FGFR2: variants seen among roughly 807,000 people sequenced by gnomAD.
FGFR2 encodes fibroblast growth factor receptor 2, also known as BEK fibroblast growth factor receptor.
FGFR2 carries 19 observed loss-of-function variants against 95.9 expected under a neutral mutation model. The ratio of observed to expected loss-of-function variants is 0.20; its 90% confidence interval spans 0.14 to 0.29. FGFR2 has a LOEUF of 0.29. Among genes scored for constraint, FGFR2 ranks in the 10% least tolerant of loss-of-function variants. The pLI is 1.00. For missense variants in FGFR2, 707 were observed against 1,056.9 expected, an observed-to-expected ratio of 0.67 and a Z score of 4.59; for synonymous variants, 392 against 393.3, an observed-to-expected ratio of 1.00 and a Z score of 0.04.
intron 4 of FGFR2, among the ~76,000 whole-genome samples, chr10:121,562,211 C>T (rs1857083178): frequency 1.3e-5 from 2 of 152,154 alleles, no homozygotes; most frequent in South Asian, 2.1e-4. Context: ...AACTATGTCC[C>T]CACAAAAACC....
chr10:121,514,669 C>T (rs754012442), intron 9 of FGFR2, among the ~76,000 whole-genome samples: 1 of 152,146 alleles, frequency 6.6e-6, no homozygotes, highest in Non-Finnish European at 1.5e-5. Context: ...CTGATCTTGA[C>T]TTTAAAAAAT....
At chr10:121,595,020 T>C (rs1489016905) in intron 1 of FGFR2, among the ~76,000 whole-genome samples, 2 of 152,212 alleles carry the variant, frequency 1.3e-5, no homozygotes, top group Non-Finnish European at 2.9e-5. Flanking sequence ...CAGTACTCTC[T>C]GTGACTAAGG....
chr10:121,578,991 C>T (rs940411820), intron 2 of FGFR2, among the ~76,000 whole-genome samples: 2 of 152,134 alleles, frequency 1.3e-5, no homozygotes, highest in African/African-American at 2.4e-5. Flanking sequence ...ACAGGTGAGG[C>T]CTGATGCTGC....
At chr10:121,526,815 T>G in intron 6 of FGFR2, 1 of 398,600 alleles carries the variant, frequency 2.5e-6, no homozygotes, top group Middle Eastern at 6.3e-4. Flanking sequence ...ATGCTCGTTT[T>G]GTTCTTTCCT....
intron 2 of FGFR2, among the ~76,000 whole-genome samples, chr10:121,591,011 ACTCTCTCTCT>A (rs76266908): frequency 2.1e-4 from 30 of 144,436 alleles, no homozygotes; most frequent in African/African-American, 5.3e-4. Context: ...ACACACGCAC[ACTCTCTCTCT>A]CTCTCTCTCT....
In FGFR2 at chr10:121,496,128, T is replaced by A. The variant is rs182635209; in HGVS notation, c.1863+404A>T. Among the ~76,000 whole-genome samples, 139 of 145,820 alleles carry A rather than the reference T, an allele frequency of 9.5e-4. 1 individual carries two copies. Among genetic ancestry groups the A allele is most frequent in the Non-Finnish European group, 8.6e-4 (57 of 66,230 alleles). ...TAATGCCATATCAAACCCAAAACAC[T>A]AAACACCTAAAGTCTATGTTCAAAA... On this transcript the variant is annotated intron_variant, in intron 13 of 17. Transcript: ENST00000358487.
chr10:121,566,517 T>C (rs1857694347), intron 2 of FGFR2, among the ~76,000 whole-genome samples: 1 of 152,090 alleles, frequency 6.6e-6, no homozygotes, highest in Non-Finnish European at 1.5e-5. Context: ...CCACCACACA[T>C]GTCCCAGGCT....
At chr10:121,515,364 G>A (rs1448911417) in intron 8 of FGFR2, 45 bp from the exon 9 acceptor site, 1 of 1,570,468 alleles carries the variant, frequency 6.4e-7, no homozygotes, top group African/African-American at 1.4e-5. Context: ...GCAGGCCATA[G>A]AGTTAGCACA....
chr10:121,506,866 T>A (rs1848362867), intron 9 of FGFR2, among the ~76,000 whole-genome samples: 1 of 152,254 alleles, frequency 6.6e-6, no homozygotes, highest in South Asian at 2.1e-4. Context: ...TGTATGTAAT[T>A]CTTTTATGTT....
intron 5 of FGFR2, among the ~76,000 whole-genome samples, chr10:121,549,556 G>C (rs1017499126): frequency 2.6e-5 from 4 of 152,092 alleles, no homozygotes; most frequent in African/African-American, 9.7e-5. Context: ...CTTAATAATG[G>C]AAAAAAGCAA....
rs41301555 is a variant in FGFR2, at chr10:121,596,328, C to G, written c.-151+1634G>C. Reference sequence around the variant, plus strand: ...GAAGGGCTTGGCTGCGGAGCGGTCCCCATGCCAGGCCTGTGCTGGGCTCTT... The same window carrying G: ...GAAGGGCTTGGCTGCGGAGCGGTCCGCATGCCAGGCCTGTGCTGGGCTCTT... On this transcript the variant is annotated intron_variant, in intron 1 of 17. Coordinates refer to ENST00000358487, the MANE Select transcript of FGFR2 (RefSeq NM_000141.5). 581 of 197,960 alleles carry G rather than the reference C, an allele frequency of 2.9e-3. 3 individuals carry two copies. The highest frequency in any genetic ancestry group is 0.013 in the African/African-American group (556 of 43,382). The allele number at this position is 197,960 out of a possible 1,614,324, so 12.3% of individuals were successfully genotyped here.
At chr10:121,480,991 C>A (rs1421238870) in intron 17 of FGFR2, among the ~76,000 whole-genome samples, 11 of 151,934 alleles carry the variant, frequency 7.2e-5, no homozygotes, top group Admixed American at 5.9e-4. Context: ...ATATAAAATT[C>A]CAATTTCAGG....
At chr10:121,550,760 A>G (rs1005339305) in intron 5 of FGFR2, among the ~76,000 whole-genome samples, 1 of 152,184 alleles carries the variant, frequency 6.6e-6, no homozygotes, top group African/African-American at 2.4e-5. Context: ...AACTCTCCTC[A>G]TATGAAGAAC....
chr10:121,540,465 TA>T (rs1248718123), intron 5 of FGFR2, among the ~76,000 whole-genome samples: 1 of 152,168 alleles, frequency 6.6e-6, no homozygotes, highest in Non-Finnish European at 1.5e-5. Flanking sequence ...ATATGGATGC[TA>T]AATCTTCCAG....
intron 2 of FGFR2, among the ~76,000 whole-genome samples, chr10:121,574,069 C>T (rs961999082): frequency 6.6e-6 from 1 of 152,166 alleles, no homozygotes; most frequent in Non-Finnish European, 1.5e-5. Context: ...GTAGTGGCCA[C>T]GCCCAGTCCC....
chr10:121,509,773 GCGC>G (rs370789504), intron 9 of FGFR2, among the ~76,000 whole-genome samples: 74 of 152,022 alleles, frequency 4.9e-4, no homozygotes, highest in African/African-American at 1.5e-3. Flanking sequence ...GTGGGCCACT[GCGC>G]CCGGTCTAAC....
chr10:121,587,600 G>C (rs1281659403), intron 2 of FGFR2, among the ~76,000 whole-genome samples: 6 of 151,956 alleles, frequency 3.9e-5, no homozygotes, highest in Non-Finnish European at 7.4e-5. Flanking sequence ...AAAGGACATA[G>C]ACACTTTTCA....
At chr10:121,577,176 T>TAGAGAG (rs1278087472) in intron 2 of FGFR2, among the ~76,000 whole-genome samples, 199 of 7,478 alleles carry the variant, frequency 0.027, 4 homozygotes, top group Middle Eastern at 0.083. Flanking sequence ...TATATATATA[T>TAGAGAG]ATAGAGAGAG....
At chr10:121,498,404 T>G in intron 12 of FGFR2, 91 bp downstream of exon 12, 1 of 854,438 alleles carries the variant, frequency 1.2e-6, no homozygotes, top group Non-Finnish European at 2.0e-6. Flanking sequence ...CAGGGTGCTC[T>G]GGGAGCAGGA....
Sources: allele counts gnomAD v4.1 joint callset (sites outside exome capture counted in the v4.1 genomes callset), GRCh38; gene constraint gnomAD v4.1.1; transcripts MANE v1.5; gene names NCBI Gene and HGNC (gene_info 2026-07-23, HGNC 2026-07-21).